EXOSC1: variants seen among roughly 807,000 people sequenced by gnomAD.
EXOSC1 encodes exosome component 1, also known as exosome complex component CSL4.
EXOSC1 carries 27 observed loss-of-function variants against 31.4 expected under a neutral mutation model. The observed-to-expected ratio is 0.86, with a 90% CI of 0.63 to 1.18. The LOEUF is 1.18. Among genes scored for constraint, EXOSC1 ranks in the 50% most tolerant of loss-of-function variants. The pLI is 0.00. For missense variants in EXOSC1, 228 were observed against 250.3 expected, an observed-to-expected ratio of 0.91 and a Z score of 0.60; for synonymous variants, 84 against 89.5, an observed-to-expected ratio of 0.94 and a Z score of 0.35.
intron 4 of EXOSC1, among the ~76,000 whole-genome samples, chr10:97,439,419 G>A (rs186261434): frequency 2.2e-3 from 341 of 152,262 alleles, no homozygotes; most frequent in Middle Eastern, 0.02. Context: ...CTGTCAGATC[G>A]AAGTGGGCAT....
chr10:97,438,997 C>A (rs1323827640), intron 4 of EXOSC1, among the ~76,000 whole-genome samples: 1 of 152,126 alleles, frequency 6.6e-6, no homozygotes, highest in Non-Finnish European at 1.5e-5. Context: ...GGTGATCCAC[C>A]CGCCTCAGCT....
rs1159704384 is a variant in EXOSC1, at chr10:97,445,719, C to A, written c.147+13G>T. On this transcript the variant is annotated intron_variant, in intron 2 of 7. Coordinates refer to ENST00000370902, the MANE Select transcript of EXOSC1 (RefSeq NM_016046.5). Reference sequence around the variant, plus strand: ...GGAAAAACAGAGGGGAGATGGCATGCCGCTTCCTTTACCGCGCCATTCTCG... The same window carrying A: ...GGAAAAACAGAGGGGAGATGGCATGACGCTTCCTTTACCGCGCCATTCTCG... 2.5e-6 allele frequency: 4 copies of A among 1,611,058 alleles called. No individual in the cohort carries two copies. The Admixed American group carries it at 5.0e-5, about 20-fold the overall frequency.
chr10:97,441,874 T>TA (rs1006887767), intron 3 of EXOSC1, among the ~76,000 whole-genome samples: 6,387 of 105,798 alleles, frequency 0.06, 226 homozygotes, highest in East Asian at 0.092. Flanking sequence ...GGCTAACAAT[T>TA]AAAAAAAAAA....
intron 3 of EXOSC1, among the ~76,000 whole-genome samples, chr10:97,441,742 A>G (rs909619558): frequency 2.7e-5 from 4 of 149,452 alleles, no homozygotes; most frequent in Non-Finnish European, 4.4e-5. Context: ...CGCCTGCTTC[A>G]GCCTCCCAAA....
chr10:97,436,919 G>C (rs1040379719), intron 7 of EXOSC1, among the ~76,000 whole-genome samples: 2 of 152,156 alleles, frequency 1.3e-5, no homozygotes, highest in Admixed American at 6.5e-5. Context: ...AGCTACTTGG[G>C]TGACAAGAAT....
chr10:97,443,352 C>A lies in EXOSC1; in HGVS notation c.148-41G>T, dbSNP rs190038400. 4.4e-3 allele frequency: 6,920 copies of A among 1,577,764 alleles called. 18 individuals carry two copies. Among genetic ancestry groups the A allele is most frequent in the Non-Finnish European group, 5.1e-3 (5,818 of 1,151,024 alleles). ...CAAAAAACTGAAATGTCCTGACTAA[C>A]CCTTGGGTCAAGGCATTTGTGGCTT... is the stretch of plus-strand genomic sequence containing the variant. On this transcript the variant is annotated intron_variant, in intron 2 of 7. Coordinates refer to ENST00000370902, the MANE Select transcript of EXOSC1 (RefSeq NM_016046.5).
intron 6 of EXOSC1, 30 bp downstream of exon 6, chr10:97,437,670 G>T: frequency 6.2e-7 from 1 of 1,607,316 alleles, no homozygotes; most frequent in South Asian, 1.1e-5. Context: ...TTTGACAAAG[G>T]ACCAGAAGTC....
intron 4 of EXOSC1, among the ~76,000 whole-genome samples, chr10:97,439,615 A>G (rs1845652355): frequency 6.6e-6 from 1 of 152,256 alleles, no homozygotes; most frequent in African/African-American, 2.4e-5. Flanking sequence ...GGTGAGCTGT[A>G]TAATTATTTC....
intron 3 of EXOSC1, 44 bp downstream of exon 3, chr10:97,443,193 G>C (rs758253626): frequency 8.6e-6 from 13 of 1,509,958 alleles, no homozygotes; most frequent in Non-Finnish European, 1.1e-5. Context: ...CATGATTTCA[G>C]TATTGAATGG....
At chr10:97,441,486 G>GTTT (rs781273557) in intron 3 of EXOSC1, among the ~76,000 whole-genome samples, 152 of 133,498 alleles carry the variant, frequency 1.1e-3, no homozygotes, top group African/African-American at 3.6e-3. Flanking sequence ...GGTGGTATGG[G>GTTT]TTTTTTTTTT....
intron 4 of EXOSC1, among the ~76,000 whole-genome samples, chr10:97,440,196 T>C (rs1326444784): frequency 6.6e-6 from 1 of 152,108 alleles, no homozygotes; most frequent in African/African-American, 2.4e-5. Flanking sequence ...GGTCTCGAAC[T>C]CCCGACCTCA....
At position 97,443,327 on chromosome 10, in the gene EXOSC1, C is replaced by T; in HGVS notation, c.148-16G>A. On this transcript the variant is annotated splice_polypyrimidine_tract_variant and intron_variant, in intron 2 of 7. Transcript: ENST00000370902. ...CCACTGGAAGCTACAGAGGGAACAACAAAAAACTGAAATGTCCTGACTAAC... is the reference window on the plus strand; with the variant it reads ...CCACTGGAAGCTACAGAGGGAACAATAAAAAACTGAAATGTCCTGACTAAC... The T allele has an allele frequency of 1.2e-6, 2 of 1,609,884 alleles. No homozygotes were observed. Among genetic ancestry groups the T allele is most frequent in the South Asian group, 1.1e-5 (1 of 90,490 alleles).
In EXOSC1 at chr10:97,445,997, T is replaced by A; in HGVS notation, c.-12A>T. On this transcript the variant is annotated 5_prime_UTR_variant, in exon 1 of 8. Transcript: ENST00000370902. ...ACAGGTGGCGCCATGATTGCCGCTG[T>A]CCCAAAACCAGGATGAAAACGAAGT... is the stretch of plus-strand genomic sequence containing the variant. 6.2e-7 allele frequency: 1 copy of A among 1,614,194 alleles called. No individual in the cohort carries two copies. The highest frequency in any genetic ancestry group is 1.3e-5 in the African/African-American group (1 of 75,048).
Position 97,437,712 on chromosome 10 carries a change from G to A in EXOSC1, c.384C>T (p.Val128=). The A allele has an allele frequency of 6.2e-7, 1 of 1,613,422 alleles. No individual in the cohort carries two copies. The highest frequency in any genetic ancestry group is 8.5e-7 in the Non-Finnish European group (1 of 1,179,556). The change falls in exon 6 of 8, where the codon GTC becomes GTT. Residue 128 remains valine (V), a synonymous_variant. Coordinates refer to ENST00000370902, the MANE Select transcript of EXOSC1 (RefSeq NM_016046.5). ...GAATAAAGGATACCACTTTGGCCAAGACAATGTCACCTGGGCGGAAACTCT... is the reference window on the plus strand; with the variant it reads ...GAATAAAGGATACCACTTTGGCCAAAACAATGTCACCTGGGCGGAAACTCT... The part of the protein sequence containing the change: ...IYKSFRPGDI[V]LAKVISLGDA...
chr10:97,440,656 T>A (rs1319495981), intron 4 of EXOSC1: 1 of 152,446 alleles, frequency 6.6e-6, no homozygotes, highest in Non-Finnish European at 1.5e-5. Flanking sequence ...GCAGCTGGGA[T>A]TACAGGCACA....
Position 97,438,686 on chromosome 10 carries a change from G to A in EXOSC1, c.329C>T (p.Ala110Val). The A allele has an allele frequency of 1.2e-6, 2 of 1,607,730 alleles. No individual in the cohort carries two copies. Among genetic ancestry groups the A allele is most frequent in the Non-Finnish European group, 1.7e-6 (2 of 1,177,106 alleles). The change falls in exon 5 of 8, where the codon GCA (alanine) becomes GTA (valine). Residue 110 changes from alanine (A) to valine (V), a missense_variant. Ala to Val is a moderately conservative substitution (Grantham distance 64). Coordinates refer to ENST00000370902, the MANE Select transcript of EXOSC1 (RefSeq NM_016046.5). Reference protein sequence around the residue: ...RGTIRKEDVRATEKDKVEIYK... With the variant: ...RGTIRKEDVRVTEKDKVEIYK... ...ACCAACAACCTTGTCTTTTTCAGTT[G>A]CTCGGACATCTTCCTTGCTATAAAA...
At chr10:97,441,601 C>T (rs906095229) in intron 3 of EXOSC1, among the ~76,000 whole-genome samples, 1 of 150,940 alleles carries the variant, frequency 6.6e-6, no homozygotes, top group Non-Finnish European at 1.5e-5. Flanking sequence ...AATAATTCTC[C>T]TGCCTTAGCC....
At position 97,436,365 on chromosome 10, in the gene EXOSC1, G is replaced by T; in HGVS notation, c.*80C>A. ...GGAAGTGGCTGTTGGCCGACGCCAGGTGTTTGAATAAAGACAGCAGCATCT... is the reference window on the plus strand; with the variant it reads ...GGAAGTGGCTGTTGGCCGACGCCAGTTGTTTGAATAAAGACAGCAGCATCT... On this transcript the variant is annotated 3_prime_UTR_variant, in exon 8 of 8. Coordinates refer to ENST00000370902, the MANE Select transcript of EXOSC1 (RefSeq NM_016046.5). 1 of 1,060,408 alleles carries T rather than the reference G, an allele frequency of 9.4e-7. No homozygotes were observed. The highest frequency in any genetic ancestry group is 1.4e-6 in the Non-Finnish European group (1 of 696,508). The allele number at this position is 1,060,408 out of a possible 1,614,324, so 65.7% of individuals were successfully genotyped here.
chr10:97,445,055 A>C (rs1465091546), intron 2 of EXOSC1: 3 of 152,182 alleles, frequency 2.0e-5, no homozygotes, highest in African/African-American at 7.2e-5. Flanking sequence ...GCTTGGAAGA[A>C]AAGGAACAGA....
Sources: gnomAD v4.1 joint callset for allele counts (sites outside exome capture counted in the v4.1 genomes callset) on GRCh38, gnomAD v4.1.1 for gene constraint, MANE v1.5 for transcripts, NCBI Gene and HGNC (gene_info 2026-07-23, HGNC 2026-07-21) for gene names.